Variants in NPAS3 observed in about 807,000 individuals in gnomAD.
The protein encoded by NPAS3 is neuronal PAS domain-containing protein 3.
Under a neutral mutation model 73.1 loss-of-function variants are expected in NPAS3, and 14 were observed. The ratio of observed to expected loss-of-function variants is 0.19; its 90% CI spans 0.13 to 0.30. NPAS3 has a LOEUF of 0.30. NPAS3 is among the 10% of genes least tolerant of loss of function. The probability of loss-of-function intolerance (pLI) is 1.00; values close to 1 mark genes in which losing one functional copy is unlikely to be tolerated. For synonymous variants in NPAS3, 620 were observed against 541.5 expected, an observed-to-expected ratio of 1.14 and a Z score of -2.01; for missense variants, 1,096 against 1,250.0, an observed-to-expected ratio of 0.88 and a Z score of 1.86.
chr14:33,413,012 A>G (rs1369982616), intron 4 of NPAS3, among the ~76,000 whole-genome samples: 1 of 152,206 alleles, frequency 6.6e-6, no homozygotes, highest in African/African-American at 2.4e-5. Context: ...TTTTAAAAAT[A>G]TAAGGGCTTG....
intron 3 of NPAS3, among the ~76,000 whole-genome samples, chr14:33,267,239 G>A (rs1266004281): frequency 6.6e-6 from 1 of 152,114 alleles, no homozygotes; most frequent in African/African-American, 2.4e-5. Flanking sequence ...AATACTAGAA[G>A]ATATTGCTTC....
chr14:33,442,439 C>T (rs1371270932), intron 4 of NPAS3, among the ~76,000 whole-genome samples: 2 of 151,880 alleles, frequency 1.3e-5, no homozygotes, highest in Non-Finnish European at 2.9e-5. Context: ...TAAAAAACTA[C>T]AGTTAAGCCA....
intron 1 of NPAS3, among the ~76,000 whole-genome samples, chr14:32,995,467 G>A (rs2038529712): frequency 6.6e-6 from 1 of 152,182 alleles, no homozygotes; most frequent in African/African-American, 2.4e-5. Flanking sequence ...TCATTCCATG[G>A]GATGGCCTCT....
At chr14:33,090,305 C>G (rs1007086822) in intron 2 of NPAS3, among the ~76,000 whole-genome samples, 1 of 152,090 alleles carries the variant, frequency 6.6e-6, no homozygotes, top group Non-Finnish European at 1.5e-5. Context: ...GGAGGAAGAT[C>G]TACCAAGCAA....
chr14:33,479,107 G>T (rs1231335288), intron 4 of NPAS3, among the ~76,000 whole-genome samples: 1 of 152,176 alleles, frequency 6.6e-6, no homozygotes, highest in African/African-American at 2.4e-5. Context: ...TAAACGTGCA[G>T]TTAAAGCACG....
At chr14:33,273,023 C>G (rs902485410) in intron 3 of NPAS3, among the ~76,000 whole-genome samples, 2 of 152,192 alleles carry the variant, frequency 1.3e-5, no homozygotes, top group African/African-American at 2.4e-5. Context: ...CTTTCAATTG[C>G]TGTTGCCACC....
At chr14:33,692,297 A>G (rs952745937) in intron 6 of NPAS3, among the ~76,000 whole-genome samples, 2 of 152,106 alleles carry the variant, frequency 1.3e-5, no homozygotes, top group African/African-American at 4.8e-5. Context: ...CCCTCCCTCC[A>G]ATGGGTCTTG....
intron 3 of NPAS3, among the ~76,000 whole-genome samples, chr14:33,267,838 T>C (rs2040884456): frequency 6.6e-6 from 1 of 152,286 alleles, no homozygotes; most frequent in East Asian, 1.9e-4. Context: ...AGGAGTGCTA[T>C]CGGCACATAT....
chr14:33,286,735 G>C (rs896960030), intron 3 of NPAS3, among the ~76,000 whole-genome samples: 4 of 152,012 alleles, frequency 2.6e-5, no homozygotes, highest in African/African-American at 9.7e-5. Flanking sequence ...AAGTGCACCA[G>C]TTTCTTATAG....
chr14:33,470,964 G>T (rs1203078875), intron 4 of NPAS3, among the ~76,000 whole-genome samples: 2 of 150,006 alleles, frequency 1.3e-5, no homozygotes, highest in African/African-American at 5.0e-5. Context: ...TTCTCTTTAT[G>T]AAGTGGATAC....
chr14:33,501,611 C>T (rs1373052305), intron 4 of NPAS3, among the ~76,000 whole-genome samples: 1 of 151,236 alleles, frequency 6.6e-6, no homozygotes, highest in Non-Finnish European at 1.5e-5. Flanking sequence ...TATTAGTCTC[C>T]CTTCTAGAAT....
chr14:33,689,220 A>G (rs1322082298), intron 6 of NPAS3, among the ~76,000 whole-genome samples: 1 of 152,160 alleles, frequency 6.6e-6, no homozygotes, highest in Non-Finnish European at 1.5e-5. Context: ...TCCCATTATA[A>G]ATTTTTAGCC....
chr14:33,062,824 A>G (rs2041156210), intron 2 of NPAS3, among the ~76,000 whole-genome samples: 1 of 152,250 alleles, frequency 6.6e-6, no homozygotes, highest in South Asian at 2.1e-4. Context: ...TACTACAGCA[A>G]ACTTAAACTG....
chr14:33,370,285 A>G (rs982167825), intron 4 of NPAS3, among the ~76,000 whole-genome samples: 1 of 152,222 alleles, frequency 6.6e-6, no homozygotes, highest in African/African-American at 2.4e-5. Flanking sequence ...TTTGCCATAA[A>G]GCACCAAAGA....
intron 4 of NPAS3, among the ~76,000 whole-genome samples, chr14:33,532,866 T>G (rs556736401): frequency 5.9e-5 from 9 of 152,234 alleles, no homozygotes; most frequent in African/African-American, 1.9e-4. Context: ...GACTCCCAAA[T>G]TTTGTTGGTT....
chr14:33,350,921 A>G (rs995308214), intron 3 of NPAS3, among the ~76,000 whole-genome samples: 2 of 152,166 alleles, frequency 1.3e-5, no homozygotes, highest in Non-Finnish European at 2.9e-5. Context: ...CAGGTGAAGG[A>G]TCTTCTACGG....
At chr14:33,078,225 G>A (rs1020085472) in intron 2 of NPAS3, among the ~76,000 whole-genome samples, 5 of 152,048 alleles carry the variant, frequency 3.3e-5, no homozygotes, top group South Asian at 2.1e-4. Flanking sequence ...ACGGAACTGC[G>A]GACAATCAGG....
At chr14:33,629,240 A>C (rs2058311027) in intron 5 of NPAS3, among the ~76,000 whole-genome samples, 1 of 151,880 alleles carries the variant, frequency 6.6e-6, no homozygotes, top group African/African-American at 2.4e-5. Flanking sequence ...ATCTCAAAAA[A>C]AAAAAAAAAA....
Position 33,491,481 on chromosome 14 carries a change from C to T in NPAS3, c.469-68640C>T, listed in dbSNP as rs143536126. On this transcript the variant is annotated intron_variant, in intron 4 of 11. Coordinates refer to ENST00000356141, the Ensembl canonical transcript of NPAS3. ...ACAGTCTAAGATGGTAGGCACTAGCCGCCTGTGGCCGTGAGCACTAGGATT... is the reference window on the plus strand; with the variant it reads ...ACAGTCTAAGATGGTAGGCACTAGCTGCCTGTGGCCGTGAGCACTAGGATT... Among the ~76,000 whole-genome samples, 86 of 152,182 alleles carry T rather than the reference C, an allele frequency of 5.7e-4. 1 individual carries two copies. In the East Asian group the frequency reaches 0.013, roughly 23 times the overall value.
Sources: allele counts gnomAD v4.1 joint callset (sites outside exome capture counted in the v4.1 genomes callset), GRCh38; gene constraint gnomAD v4.1.1; transcripts MANE v1.5; gene names NCBI Gene and HGNC (gene_info 2026-07-23, HGNC 2026-07-21).